Variants in RBFOX1 observed in about 807,000 individuals in gnomAD.
RBFOX1 encodes RNA binding protein fox-1 homolog 1.
Under a neutral mutation model 57.7 loss-of-function variants are expected in RBFOX1, and 8 were observed. The ratio of observed to expected loss-of-function variants is 0.14; its 90% CI spans 0.08 to 0.25. RBFOX1 has a LOEUF of 0.25. Among genes scored for constraint, RBFOX1 ranks in the 10% least tolerant of loss-of-function variants. The pLI is 1.00. For synonymous variants in RBFOX1, 326 were observed against 222.4 expected, an observed-to-expected ratio of 1.47 and a Z score of -4.15; for missense variants, 611 against 548.5, an observed-to-expected ratio of 1.11 and a Z score of -1.14.
At chr16:6,820,764 A>C (rs1209588321) in intron 3 of RBFOX1, among the ~76,000 whole-genome samples, 4 of 152,188 alleles carry the variant, frequency 2.6e-5, no homozygotes, top group Admixed American at 2.6e-4. Flanking sequence ...ATCGATGCTA[A>C]GTCAGAGACT....
chr16:6,951,036 G>C (rs1385300453), intron 3 of RBFOX1, among the ~76,000 whole-genome samples: 3 of 151,986 alleles, frequency 2.0e-5, no homozygotes, highest in African/African-American at 7.2e-5. Context: ...CTCTCGAGTA[G>C]GTGGGACTAC....
intron 4 of RBFOX1, among the ~76,000 whole-genome samples, chr16:6,008,856 C>T (rs915132573): frequency 4.6e-5 from 7 of 152,120 alleles, no homozygotes; most frequent in Admixed American, 2.0e-4. Context: ...AATTGCCTTA[C>T]GGAATAATGG....
intron 3 of RBFOX1, among the ~76,000 whole-genome samples, chr16:5,758,686 ATG>A (rs1179120820): frequency 6.6e-6 from 1 of 152,196 alleles, no homozygotes; most frequent in East Asian, 1.9e-4. Context: ...TAAAGAAATG[ATG>A]TGTTGTAAGT....
intron 3 of RBFOX1, among the ~76,000 whole-genome samples, chr16:5,689,821 G>A (rs1187215853): frequency 6.6e-6 from 1 of 151,972 alleles, no homozygotes; most frequent in East Asian, 1.9e-4. Context: ...AAAAAAGAAG[G>A]AACACATTTG....
intron 1 of RBFOX1, among the ~76,000 whole-genome samples, chr16:6,036,834 A>G (rs967187362): frequency 2.5e-4 from 38 of 152,248 alleles, no homozygotes; most frequent in Non-Finnish European, 1.9e-4. Flanking sequence ...CTTTTTAAAA[A>G]TCACATTCTC....
intron 4 of RBFOX1, among the ~76,000 whole-genome samples, chr16:7,261,876 C>T (rs942852927): frequency 2.0e-5 from 3 of 152,172 alleles, no homozygotes; most frequent in South Asian, 2.1e-4. Context: ...GGCAAGGTTC[C>T]TTTGGGCATC....
At chr16:5,488,174 C>T (rs111208302) in intron 2 of RBFOX1, among the ~76,000 whole-genome samples, 3,603 of 90,724 alleles carry the variant, frequency 0.04, 376 homozygotes, top group African/African-American at 0.13. Context: ...AGATGAAAGA[C>T]GGTGGTGATG....
intron 2 of RBFOX1, among the ~76,000 whole-genome samples, chr16:6,374,551 G>A (rs1240538408): frequency 6.6e-6 from 1 of 152,004 alleles, no homozygotes; most frequent in East Asian, 1.9e-4. Context: ...TTTCGTAATT[G>A]AACCTTAGAA....
At chr16:5,292,638 A>G (rs1445800403) in intron 1 of RBFOX1, among the ~76,000 whole-genome samples, 2 of 151,418 alleles carry the variant, frequency 1.3e-5, no homozygotes, top group Non-Finnish European at 2.9e-5. Context: ...GGATTTATTT[A>G]TTTATTTATT....
At chr16:6,804,252 C>T (rs909787632) in intron 3 of RBFOX1, among the ~76,000 whole-genome samples, 6 of 151,762 alleles carry the variant, frequency 4.0e-5, no homozygotes, top group Non-Finnish European at 7.4e-5. Context: ...TCTTGATCCG[C>T]CCACCTCAGC....
chr16:5,397,318 G>C (rs1018753989), intron 1 of RBFOX1, among the ~76,000 whole-genome samples: 1 of 152,140 alleles, frequency 6.6e-6, no homozygotes, highest in Non-Finnish European at 1.5e-5. Flanking sequence ...AGCCCCTCTG[G>C]GTCCTGAAAA....
intron 4 of RBFOX1, among the ~76,000 whole-genome samples, chr16:7,404,590 C>G (rs373294452): frequency 6.6e-6 from 1 of 152,158 alleles, no homozygotes; most frequent in Non-Finnish European, 1.5e-5. Context: ...ATAATTTACA[C>G]CTGAGTGACC....
At chr16:6,645,154 T>C (rs1380805205) in intron 2 of RBFOX1, among the ~76,000 whole-genome samples, 1 of 152,184 alleles carries the variant, frequency 6.6e-6, no homozygotes, top group Non-Finnish European at 1.5e-5. Context: ...TTCACATGGC[T>C]TTCTCTTCTG....
chr16:6,903,016 C>T (rs138038878), intron 3 of RBFOX1, among the ~76,000 whole-genome samples: 126 of 152,244 alleles, frequency 8.3e-4, no homozygotes, highest in African/African-American at 2.9e-3. Context: ...TGTGTAACTT[C>T]AAATGAGATG....
intron 1 of RBFOX1, among the ~76,000 whole-genome samples, chr16:5,378,427 G>C (rs568663603): frequency 2.6e-5 from 4 of 151,562 alleles, no homozygotes; most frequent in South Asian, 2.1e-4. Context: ...GCCTCCCTTC[G>C]AACACTCCAG....
At position 6,811,450 on chromosome 16, in the gene RBFOX1, C is replaced by G. The variant is rs550075848; in HGVS notation, c.-16+156800C>G. 5.9e-5 allele frequency among the ~76,000 whole-genome samples: 9 copies of G among 152,214 alleles called. No homozygotes were observed. In the East Asian group the frequency reaches 9.7e-4, roughly 16 times the overall value. ...CTATTATACAATATATTTTTTTCCTCTATGAATATTGTAAAATTCCTGTTT... is the reference window on the plus strand; with the variant it reads ...CTATTATACAATATATTTTTTTCCTGTATGAATATTGTAAAATTCCTGTTT... On this transcript the variant is annotated intron_variant, in intron 3 of 15. Coordinates refer to ENST00000550418, the MANE Select transcript of RBFOX1 (RefSeq NM_018723.4).
At chr16:7,279,584 G>A (rs138252907) in intron 4 of RBFOX1, among the ~76,000 whole-genome samples, 16 of 152,250 alleles carry the variant, frequency 1.1e-4, no homozygotes, top group African/African-American at 1.7e-4. Flanking sequence ...CCAGGGCCAC[G>A]TTAGACATCA....
Position 5,763,792 on chromosome 16 carries a change from T to C in RBFOX1, c.319-103511T>C, listed in dbSNP as rs955931998. ...CAGAGCTCATCACTTCCTTTCTCAT[T>C]GAAGCCTTTGCTCAAATGCTCCCTT... is the stretch of plus-strand genomic sequence containing the variant. On this transcript the variant is annotated intron_variant, in intron 3 of 19. Transcript: ENST00000641259. Among the ~76,000 whole-genome samples the C allele has an allele frequency of 1.3e-5, 2 of 152,214 alleles. 1 individual carries two copies. Among genetic ancestry groups the C allele is most frequent in the South Asian group, 4.1e-4 (2 of 4,836 alleles).
intron 4 of RBFOX1, among the ~76,000 whole-genome samples, chr16:7,254,297 C>T (rs2094592881): frequency 2.0e-5 from 3 of 152,240 alleles, no homozygotes; most frequent in East Asian, 3.9e-4. Flanking sequence ...GACTCATTTG[C>T]CTTTAGCCCT....
Sources: allele counts gnomAD v4.1 joint callset (sites outside exome capture counted in the v4.1 genomes callset), GRCh38; gene constraint gnomAD v4.1.1; transcripts MANE v1.5; gene names NCBI Gene and HGNC (gene_info 2026-07-23, HGNC 2026-07-21).